HTR4: variants seen among roughly 807,000 people sequenced by gnomAD.
The protein encoded by HTR4 is 5-hydroxytryptamine receptor 4.
A neutral mutation model predicts 36.8 loss-of-function variants in HTR4; 16 were observed. That is an observed-to-expected ratio of 0.43 (90% CI 0.29 to 0.66). The LOEUF (loss-of-function observed/expected upper bound fraction) is 0.66. HTR4 is among the 30% of genes least tolerant of loss of function. The probability of loss-of-function intolerance (pLI) is 0.13; values close to 1 mark genes in which losing one functional copy is unlikely to be tolerated. For synonymous variants in HTR4, 189 were observed against 185.1 expected (o/e 1.02, Z -0.17); for missense variants, 438 against 490.9 (o/e 0.89, Z 1.02).
chr5:148,546,293 T>C (rs535385047), intron 4 of HTR4, among the ~76,000 whole-genome samples: 1 of 152,340 alleles, frequency 6.6e-6, no homozygotes, highest in Non-Finnish European at 1.5e-5. Flanking sequence ...ATCCAATTTA[T>C]ACCTAACTGT....
intron 5 of HTR4, among the ~76,000 whole-genome samples, chr5:148,516,947 A>T (rs561913708): frequency 5.3e-4 from 80 of 152,208 alleles, no homozygotes; most frequent in Non-Finnish European, 1.0e-3. Context: ...CACAGACCTT[A>T]TATGACTCAG....
intron 5 of HTR4, among the ~76,000 whole-genome samples, chr5:148,519,861 T>C (rs2113790982): frequency 6.6e-6 from 1 of 152,302 alleles, no homozygotes; most frequent in East Asian, 1.9e-4. Flanking sequence ...ACTGCTGAAG[T>C]GCTGTCTGGT....
At chr5:148,479,445 C>T (rs77679706), downstream of HTR4, among the ~76,000 whole-genome samples, 3,317 of 152,034 alleles carry the variant, frequency 0.022, 126 homozygotes, top group African/African-American at 0.074. Flanking sequence ...AGTTTTCAGA[C>T]GCATTTTTCC....
At chr5:148,547,081 A>G (rs553315497) in intron 4 of HTR4, among the ~76,000 whole-genome samples, 1 of 152,306 alleles carries the variant, frequency 6.6e-6, no homozygotes, top group East Asian at 1.9e-4. Context: ...GGCAGAGGAA[A>G]AGAGAAAGCA....
intron 4 of HTR4, among the ~76,000 whole-genome samples, chr5:148,544,320 C>T (rs540186964): frequency 1.3e-5 from 2 of 150,808 alleles, no homozygotes; most frequent in Admixed American, 1.3e-4. Flanking sequence ...TCTCTCTCTC[C>T]ACCTCTCTTT....
chr5:148,612,958 C>T (rs1435196162), intron 2 of HTR4, among the ~76,000 whole-genome samples: 1 of 149,670 alleles, frequency 6.7e-6, no homozygotes, highest in Non-Finnish European at 1.5e-5. Flanking sequence ...TTGACACATA[C>T]ACTCTCCCAA....
At chr5:148,507,330 C>T (rs1757270453) in intron 6 of HTR4, among the ~76,000 whole-genome samples, 1 of 131,908 alleles carries the variant, frequency 7.6e-6, no homozygotes, top group Non-Finnish European at 1.5e-5. Flanking sequence ...ACAATAAGAA[C>T]ATTTGGACAC....
At chr5:148,626,917 T>C (rs533296938) in intron 2 of HTR4, among the ~76,000 whole-genome samples, 1 of 152,300 alleles carries the variant, frequency 6.6e-6, no homozygotes, top group East Asian at 1.9e-4. Context: ...TGTTCCACAG[T>C]TATCTCCATC....
At chr5:148,533,342 G>A (rs1461679827) in intron 4 of HTR4, among the ~76,000 whole-genome samples, 1 of 152,184 alleles carries the variant, frequency 6.6e-6, no homozygotes, top group Admixed American at 6.5e-5. Context: ...CATTTCAAAA[G>A]TATTGCTCAT....
At chr5:148,579,010 C>G (rs886197455) in intron 2 of HTR4, among the ~76,000 whole-genome samples, 1 of 151,984 alleles carries the variant, frequency 6.6e-6, no homozygotes, top group African/African-American at 2.4e-5. Context: ...TGTAGCAATG[C>G]CCAGTCTTTT....
At chr5:148,562,490 C>G (rs1472270000) in intron 2 of HTR4, among the ~76,000 whole-genome samples, 1 of 152,146 alleles carries the variant, frequency 6.6e-6, no homozygotes, top group Non-Finnish European at 1.5e-5. Flanking sequence ...TTCTCCTTTA[C>G]CTAGGTCATT....
intron 6 of HTR4, among the ~76,000 whole-genome samples, chr5:148,509,068 A>G (rs1168092140): frequency 6.6e-6 from 1 of 152,142 alleles, no homozygotes; most frequent in African/African-American, 2.4e-5. Context: ...AATAGATAAC[A>G]TTTACTAAAT....
In HTR4 at chr5:148,559,990, T is replaced by G. The variant is rs1760122989; in HGVS notation, c.27-9728A>C. Among the ~76,000 whole-genome samples the G allele has an allele frequency of 2.6e-5, 4 of 152,264 alleles. No homozygotes were observed. In the South Asian group the frequency reaches 8.3e-4, roughly 32 times the overall value. On this transcript the variant is annotated intron_variant, in intron 2 of 6. Coordinates refer to ENST00000377888, the MANE Select transcript of HTR4 (RefSeq NM_000870.7). ...AATAAATTGCTTGTTTGTTCTCATCTGTGTGGTCTTCATTTGTTTCCATAT... is the reference window on the plus strand; with the variant it reads ...AATAAATTGCTTGTTTGTTCTCATCGGTGTGGTCTTCATTTGTTTCCATAT...
intron 5 of HTR4, among the ~76,000 whole-genome samples, chr5:148,516,430 C>T (rs1304039485): frequency 6.9e-6 from 1 of 144,474 alleles, no homozygotes; most frequent in African/African-American, 2.6e-5. Context: ...AGCGATTCTT[C>T]TGCCTCGGTC....
chr5:148,530,062 G>A (rs939617498), intron 4 of HTR4, among the ~76,000 whole-genome samples: 2 of 152,154 alleles, frequency 1.3e-5, no homozygotes, highest in East Asian at 1.9e-4. Context: ...GCATTCAAGA[G>A]GTGACTTTGG....
At chr5:148,499,188 A>G (rs1756824695) in intron 6 of HTR4, among the ~76,000 whole-genome samples, 1 of 152,216 alleles carries the variant, frequency 6.6e-6, no homozygotes, top group Non-Finnish European at 1.5e-5. Context: ...GACAATGATC[A>G]TAATACCTTA....
chr5:148,523,947 C>A (rs1237847740), intron 4 of HTR4, among the ~76,000 whole-genome samples: 12 of 152,048 alleles, frequency 7.9e-5, no homozygotes, highest in Admixed American at 7.9e-4. Context: ...AGATTTGTCC[C>A]CTTACCCTTG....
chr5:148,533,575 C>A (rs912858574), intron 4 of HTR4, among the ~76,000 whole-genome samples: 5 of 152,162 alleles, frequency 3.3e-5, no homozygotes, highest in Admixed American at 6.5e-5. Context: ...CCCTCCCAAC[C>A]ACAGAAAAGG....
At chr5:148,607,310 C>A (rs542181687) in intron 2 of HTR4, among the ~76,000 whole-genome samples, 41 of 152,224 alleles carry the variant, frequency 2.7e-4, no homozygotes, top group African/African-American at 9.9e-4. Flanking sequence ...CAGACTGGAC[C>A]AGAGTTCAGA....
Sources: allele counts gnomAD v4.1 joint callset (sites outside exome capture counted in the v4.1 genomes callset), GRCh38; gene constraint gnomAD v4.1.1; transcripts MANE v1.5; gene names NCBI Gene and HGNC (gene_info 2026-07-23, HGNC 2026-07-21).